The following GABRG2 variants were observed in gnomAD, a reference collection of about 807,000 sequenced individuals.
GABRG2 encodes the protein gamma-aminobutyric acid type A receptor subunit gamma2.
A neutral mutation model predicts 56.4 loss-of-function variants in GABRG2; 16 were observed. That is an observed-to-expected ratio of 0.28 (90% CI 0.19 to 0.43). The LOEUF is 0.43. Ranked by LOEUF, GABRG2 falls within the 20% of genes least tolerant of loss-of-function variation. The pLI is 1.00. For synonymous variants in GABRG2, 208 were observed against 205.5 expected (o/e 1.01, Z -0.10); for missense variants, 327 against 582.7 (o/e 0.56, Z 4.52).
chr5:162,128,516 CAT>C (rs1763496580), intron 6 of GABRG2: 1 of 151,914 alleles, frequency 6.6e-6, no homozygotes, highest in South Asian at 2.1e-4. Flanking sequence ...AGGAGGGAAA[CAT>C]GAGCATTTGC....
At chr5:162,123,828 A>G (rs1169176288) in intron 6 of GABRG2, among the ~76,000 whole-genome samples, 1 of 151,928 alleles carries the variant, frequency 6.6e-6, no homozygotes. Context: ...GGGCCTGTCT[A>G]CCTCCAAAGA....
At chr5:162,114,538 C>T (rs1762480269) in intron 6 of GABRG2, among the ~76,000 whole-genome samples, 1 of 151,818 alleles carries the variant, frequency 6.6e-6, no homozygotes, top group South Asian at 2.1e-4. Flanking sequence ...AATTCTGTCT[C>T]AAAAATAAAT....
rs1405848195 is a variant in GABRG2 at position 162,116,678 on chromosome 5, A to C, written c.769+12652A>C. Among the ~76,000 whole-genome samples, 4 of 151,928 alleles carry C rather than the reference A, an allele frequency of 2.6e-5. No individual in the cohort carries two copies. The East Asian group carries it at 7.7e-4, about 29-fold the overall frequency. ...CTGGATTACAAAACTGTCACCAACAATTAACAATAGTATAATCCTTTATAC... is the reference window on the plus strand; with the variant it reads ...CTGGATTACAAAACTGTCACCAACACTTAACAATAGTATAATCCTTTATAC... On this transcript the variant is annotated intron_variant, in intron 6 of 9. Transcript: ENST00000639213.
chr5:162,077,111 G>GTGTGTGTGT (rs1554096614), intron 1 of GABRG2, among the ~76,000 whole-genome samples: 1 of 134,236 alleles, frequency 7.4e-6, no homozygotes, highest in African/African-American at 3.2e-5. Context: ...GTGTGTGTGT[G>GTGTGTGTGT]ATGTTTCTAT....
At chr5:162,139,056 A>G (rs1037915331) in intron 6 of GABRG2, among the ~76,000 whole-genome samples, 2 of 152,254 alleles carry the variant, frequency 1.3e-5, no homozygotes, top group South Asian at 2.1e-4. Flanking sequence ...AAAAGTAGAC[A>G]TAAGAATCTC....
At chr5:162,089,106 G>C (rs559953912) in intron 1 of GABRG2, among the ~76,000 whole-genome samples, 1 of 152,076 alleles carries the variant, frequency 6.6e-6, no homozygotes, top group African/African-American at 2.4e-5. Flanking sequence ...GTCAGAAATG[G>C]TCTCTACGAT....
At chr5:162,080,415 G>A (rs796836682) in intron 1 of GABRG2, among the ~76,000 whole-genome samples, 2 of 152,210 alleles carry the variant, frequency 1.3e-5, no homozygotes, top group African/African-American at 4.8e-5. Flanking sequence ...ATCATCATAG[G>A]TAACAGCAGG....
Position 162,147,141 on chromosome 5 carries a change from T to C in GABRG2, c.923-1967T>C, listed in dbSNP as rs1561660123. On this transcript the variant is annotated intron_variant, in intron 7 of 9. Transcript: ENST00000639213. ...TCTTTTCCTGTATGACACTGGTGCT[T>C]TTCTCAGTATCTTCCTCTTCTCTTG... Among the ~76,000 whole-genome samples the C allele has an allele frequency of 3.3e-5, 5 of 152,288 alleles. No homozygotes were observed. In the East Asian group the frequency reaches 7.7e-4, roughly 24 times the overall value.
chr5:162,132,323 G>A (rs1048682590), intron 6 of GABRG2, among the ~76,000 whole-genome samples: 35 of 151,976 alleles, frequency 2.3e-4, no homozygotes, highest in African/African-American at 6.3e-4. Context: ...GTTGTTCCCC[G>A]TGGATAAGGC....
At chr5:162,099,723 T>C (rs1761272849) in intron 4 of GABRG2, 1 of 152,170 alleles carries the variant, frequency 6.6e-6, no homozygotes. Context: ...TATGGAATCA[T>C]TACATTAGTT....
At chr5:162,114,354 AG>A (rs1762463083) in intron 6 of GABRG2, among the ~76,000 whole-genome samples, 4 of 152,092 alleles carry the variant, frequency 2.6e-5, no homozygotes, top group Admixed American at 2.6e-4. Context: ...GGAAAATTAG[AG>A]ATAATTAATA....
intron 6 of GABRG2, among the ~76,000 whole-genome samples, chr5:162,117,870 A>G (rs1773566416): frequency 6.6e-6 from 1 of 152,140 alleles, no homozygotes; most frequent in African/African-American, 2.4e-5. Flanking sequence ...GTTGGTAATG[A>G]TATGGTGATG....
intron 6 of GABRG2, among the ~76,000 whole-genome samples, chr5:162,120,235 C>A (rs1034959294): frequency 1.3e-5 from 2 of 152,086 alleles, no homozygotes; most frequent in African/African-American, 4.8e-5. Flanking sequence ...GTACCAGGCA[C>A]AACCTTTGCA....
chr5:162,087,259 AAC>A (rs1760194815), intron 1 of GABRG2, among the ~76,000 whole-genome samples: 1 of 152,066 alleles, frequency 6.6e-6, no homozygotes, highest in African/African-American at 2.4e-5. Flanking sequence ...CTTCTGAACT[AAC>A]ATAATTTTAA....
chr5:162,097,179 G>T (rs942219474), intron 3 of GABRG2, among the ~76,000 whole-genome samples: 2 of 152,066 alleles, frequency 1.3e-5, no homozygotes, highest in Non-Finnish European at 2.9e-5. Flanking sequence ...CCTCTCAGGG[G>T]ATGTTTGACT....
rs1033142167 is a variant in GABRG2 at position 162,141,500 on chromosome 5, A to G, written c.770-664A>G. On this transcript the variant is annotated intron_variant, in intron 6 of 9. Coordinates refer to ENST00000639213, the MANE Select transcript of GABRG2 (RefSeq NM_198904.4). ...GCAGAATGCTAACTACTAGTTTGCA[A>G]TGGTGAGCTTAAATGGGAACTGTTT... Among the ~76,000 whole-genome samples the G allele has an allele frequency of 3.3e-5, 5 of 152,330 alleles. No individual in the cohort carries two copies. The East Asian group carries it at 5.8e-4, about 18-fold the overall frequency.
chr5:162,141,017 A>G (rs1282863544), intron 6 of GABRG2, among the ~76,000 whole-genome samples: 3 of 151,714 alleles, frequency 2.0e-5, no homozygotes, highest in African/African-American at 7.3e-5. Context: ...ATTTACATAC[A>G]TTTTGCTTCT....
chr5:162,153,414 T>TTC lies in GABRG2; in HGVS notation c.*46_*47insTC. ...TATGGTTCTTATTCACTGAGTCTCA[T>TTC]GGAGAGATGTCTGTTCTAAGTCCAC... On this transcript the variant is annotated 3_prime_UTR_variant, in exon 10 of 10. Transcript: ENST00000639213. 5 of 1,593,750 alleles carry TTC rather than the reference T, an allele frequency of 3.1e-6. No homozygotes were observed. Among genetic ancestry groups the TTC allele is most frequent in the Non-Finnish European group, 4.3e-6 (5 of 1,161,676 alleles).
intron 2 of GABRG2, chr5:162,094,249 G>GA (rs897866072): frequency 0.018 from 6,086 of 332,336 alleles, no homozygotes; most frequent in Middle Eastern, 0.033. Flanking sequence ...GAAGCTGTAG[G>GA]AAAAAAAAAA....
Sources: allele counts gnomAD v4.1 joint callset (sites outside exome capture counted in the v4.1 genomes callset), GRCh38; gene constraint gnomAD v4.1.1; transcripts MANE v1.5; gene names NCBI Gene and HGNC (gene_info 2026-07-23, HGNC 2026-07-21).